Variants in ERG28 observed in about 807,000 individuals in gnomAD.
The protein encoded by ERG28 is ergosterol biosynthesis 28 homolog.
ERG28 carries 9 observed loss-of-function variants against 15.7 expected under a neutral mutation model. That is an observed-to-expected ratio of 0.57 (90% CI 0.35 to 1.00). The LOEUF (loss-of-function observed/expected upper bound fraction) is 1.00, where lower values mean the gene tolerates loss of function less well. ERG28 is among the 50% of genes least tolerant of loss of function. The pLI is 0.02. For synonymous variants in ERG28, 61 were observed against 68.4 expected (o/e 0.89, Z 0.53); for missense variants, 117 against 173.3 (o/e 0.68, Z 1.82).
chr14:75,660,166 T>G (rs1170531175), intron 1 of ERG28, among the ~76,000 whole-genome samples: 1 of 152,250 alleles, frequency 6.6e-6, no homozygotes, highest in African/African-American at 2.4e-5. Context: ...AAGTGTTATC[T>G]GTTAGAAATC....
At position 75,651,877 on chromosome 14, in the gene ERG28, G is replaced by A. The variant is rs1438669946; in HGVS notation, c.237C>T (p.Ile79=). The change falls in exon 4 of 5, where the codon ATC becomes ATT. Residue 79 remains isoleucine (I), a synonymous_variant. Coordinates refer to ENST00000256319, the MANE Select transcript of ERG28 (RefSeq NM_007176.4). ...GGGCAAGGAGGAAGGTCCAGAGTGTGATGTGATAGAGCCTATAAGGAAGCA... is the reference window on the plus strand; with the variant it reads ...GGGCAAGGAGGAAGGTCCAGAGTGTAATGTGATAGAGCCTATAAGGAAGCA... ...IDIHNKTLYH[I]TLWTFLLALG... is the part of the protein sequence containing the mutation. 26 of 1,609,698 alleles carry A rather than the reference G, an allele frequency of 1.6e-5. No individual in the cohort carries two copies. The highest frequency in any genetic ancestry group is 2.0e-5 in the Non-Finnish European group (23 of 1,175,974).
At chr14:75,660,686 C>T (rs969033723) in intron 1 of ERG28, 89 bp downstream of exon 1, 4 of 152,346 alleles carry the variant, frequency 2.6e-5, no homozygotes, top group African/African-American at 7.2e-5. Context: ...TCCTTCCATC[C>T]CACCTCCATT....
At chr14:75,659,108 A>G (rs953704910) in intron 1 of ERG28, among the ~76,000 whole-genome samples, 1 of 152,140 alleles carries the variant, frequency 6.6e-6, no homozygotes, top group Non-Finnish European at 1.5e-5. Flanking sequence ...CACTATTAAT[A>G]TTTCCATCTT....
Position 75,651,447 on chromosome 14 carries a change from T to C in ERG28, c.*108A>G. Reference sequence around the variant, plus strand: ...ATTAAAAAAAGAGGCTAAAAGTGAATAAAAGGGCAGATGATGGAATAGAAA... The same window carrying C: ...ATTAAAAAAAGAGGCTAAAAGTGAACAAAAGGGCAGATGATGGAATAGAAA... On this transcript the variant is annotated 3_prime_UTR_variant, in exon 5 of 5. Transcript: ENST00000256319. 15 of 1,107,020 alleles carry C rather than the reference T, an allele frequency of 1.4e-5. No homozygotes were observed. The allele number at this position is 1,107,020 out of a possible 1,614,324, so 68.6% of individuals were successfully genotyped here.
intron 1 of ERG28, 120 bp from the exon 2 acceptor site, chr14:75,657,653 A>G (rs1890615788): frequency 1.2e-6 from 1 of 833,606 alleles, no homozygotes; most frequent in Non-Finnish European, 1.9e-6. Flanking sequence ...AATAGTGGTG[A>G]ATGAACAGTA....
intron 2 of ERG28, among the ~76,000 whole-genome samples, chr14:75,656,975 CAG>C (rs894194247): frequency 2.7e-5 from 4 of 150,668 alleles, no homozygotes; most frequent in African/African-American, 9.8e-5. Flanking sequence ...TCAGGCATCA[CAG>C]AGTCACCAAG....
intron 3 of ERG28, among the ~76,000 whole-genome samples, chr14:75,654,532 G>A (rs776332137): frequency 3.3e-5 from 5 of 152,214 alleles, no homozygotes; most frequent in South Asian, 2.1e-4. Flanking sequence ...AAGGAGGAAT[G>A]TGAGAAAGGT....
chr14:75,654,859 G>T, intron 3 of ERG28, 27 bp downstream of exon 3: 2 of 1,585,382 alleles, frequency 1.3e-6, no homozygotes, highest in Non-Finnish European at 1.7e-6. Context: ...ACAAAAGGAT[G>T]CTAAAGCTCT....
At chr14:75,655,108 A>G (rs1890581181) in intron 2 of ERG28, 132 bp from the exon 3 acceptor site, 1 of 790,536 alleles carries the variant, frequency 1.3e-6, no homozygotes, top group South Asian at 1.5e-5. Flanking sequence ...GGCAGGATGG[A>G]GGTCCTAGTG....
rs555970190 is a variant in ERG28, at chr14:75,655,625, G to A, written c.134-649C>T. Among the ~76,000 whole-genome samples, 5 of 152,304 alleles carry A rather than the reference G, an allele frequency of 3.3e-5. No homozygotes were observed. In the East Asian group the frequency reaches 9.6e-4, roughly 29 times the overall value. On this transcript the variant is annotated intron_variant, in intron 2 of 4. Transcript: ENST00000256319. ...CTGTATTAAATATCTTGTCCTGAAA[G>A]TATAGGTCATATTCCACCATAACAG...
chr14:75,656,167 G>C (rs1890593530), intron 2 of ERG28, among the ~76,000 whole-genome samples: 2 of 151,952 alleles, frequency 1.3e-5, no homozygotes, highest in African/African-American at 4.8e-5. Flanking sequence ...AACCAGATTA[G>C]GTATGAGGTG....
chr14:75,651,452 G>C lies in ERG28; in HGVS notation c.*103C>G. On this transcript the variant is annotated 3_prime_UTR_variant, in exon 5 of 5. Transcript: ENST00000256319. ...AAAAAGAGGCTAAAAGTGAATAAAA[G>C]GGCAGATGATGGAATAGAAAAGAAA... 2 of 1,132,620 alleles carry C rather than the reference G, an allele frequency of 1.8e-6. No homozygotes were observed. Among genetic ancestry groups the C allele is most frequent in the Non-Finnish European group, 2.6e-6 (2 of 779,666 alleles). 70.2% of individuals were successfully genotyped at this position (1,132,620 alleles called of 1,614,324 possible).
In ERG28 at chr14:75,654,875, C is replaced by T. The variant is rs1409633847; in HGVS notation, c.224+11G>A. 6.2e-7 allele frequency: 1 copy of T among 1,605,928 alleles called. No homozygotes were observed. The highest frequency in any genetic ancestry group is 8.5e-7 in the Non-Finnish European group (1 of 1,172,456). ...CAAAAGGATGCTAAAGCTCTTCCTTCCCTTACATACGTCTTGTTGTGAATG... is the reference window on the plus strand; with the variant it reads ...CAAAAGGATGCTAAAGCTCTTCCTTTCCTTACATACGTCTTGTTGTGAATG... On this transcript the variant is annotated intron_variant, in intron 3 of 4. Transcript: ENST00000256319.
chr14:75,652,864 C>T (rs978080130), intron 3 of ERG28, among the ~76,000 whole-genome samples: 1 of 122,998 alleles, frequency 8.1e-6, no homozygotes, highest in East Asian at 2.4e-4. Context: ...TGCTCTGTCT[C>T]TCAGGCTGGA....
chr14:75,657,265 T>C, intron 2 of ERG28, 105 bp downstream of exon 2: 30 of 1,383,380 alleles, frequency 2.2e-5, no homozygotes, highest in Non-Finnish European at 2.9e-5. Context: ...CTGTGTTTGT[T>C]GACGTTTCCT....
At chr14:75,654,436 C>G (rs970754421) in intron 3 of ERG28, among the ~76,000 whole-genome samples, 16 of 152,212 alleles carry the variant, frequency 1.1e-4, no homozygotes, top group African/African-American at 3.4e-4. Context: ...TCACCCTCAC[C>G]TGCTGATGCT....
chr14:75,651,785 G>A lies in ERG28; in HGVS notation c.329C>T (p.Pro110Leu). The A allele has an allele frequency of 6.2e-7, 1 of 1,613,424 alleles. No homozygotes were observed. The highest frequency in any genetic ancestry group is 8.5e-7 in the Non-Finnish European group (1 of 1,179,344). The change falls in exon 4 of 5, where the codon CCC becomes CTC. Residue 110 changes from proline to leucine, a missense_variant. Coordinates refer to ENST00000256319, the MANE Select transcript of ERG28 (RefSeq NM_007176.4). ...TAAPTIGVLA[P>L]LMVASFSILG... ...TGGATGCTTACTTGCCACCATCAGG[G>A]GTGCCAGGACGCCAATCGTGGGAGC...
chr14:75,655,213 G>A (rs1890582356), intron 2 of ERG28, among the ~76,000 whole-genome samples: 1 of 152,174 alleles, frequency 6.6e-6, no homozygotes, highest in African/African-American at 2.4e-5. Context: ...AGTTCCAAGA[G>A]TGGAAACCCA....
rs1170769968 is a variant in ERG28, at chr14:75,658,968, G to A, written c.-31-1435C>T. On this transcript the variant is annotated intron_variant, in intron 1 of 4. Coordinates refer to ENST00000256319, the MANE Select transcript of ERG28 (RefSeq NM_007176.4). Reference sequence around the variant, plus strand: ...AGGACTAGTAAGAAAATTATATAGCGAAGGAAACAGCAATCTTGGTGTTGG... The same window carrying A: ...AGGACTAGTAAGAAAATTATATAGCAAAGGAAACAGCAATCTTGGTGTTGG... 5.3e-5 allele frequency among the ~76,000 whole-genome samples: 8 copies of A among 152,196 alleles called. No homozygotes were observed. In the East Asian group the frequency reaches 7.7e-4, roughly 15 times the overall value.
Sources: allele counts gnomAD v4.1 joint callset (sites outside exome capture counted in the v4.1 genomes callset), GRCh38; gene constraint gnomAD v4.1.1; transcripts MANE v1.5; gene names NCBI Gene and HGNC (gene_info 2026-07-23, HGNC 2026-07-21).